The following ZNF718 variants were observed in gnomAD, a reference collection of about 807,000 sequenced individuals.
ZNF718 encodes the protein zinc finger protein 718.
In ZNF718, 3 loss-of-function variants were observed where a neutral mutation model predicts 2.6. That is an observed-to-expected ratio of 1.16 (90% CI 0.53 to 3.01). The LOEUF (loss-of-function observed/expected upper bound fraction) is 3.01, where lower values mean the gene tolerates loss of function less well. Among genes scored for constraint, ZNF718 ranks in the 30% most tolerant of loss-of-function variants. The probability of loss-of-function intolerance (pLI) is 0.03; values close to 1 mark genes in which losing one functional copy is unlikely to be tolerated. For missense variants in ZNF718, 468 were observed against 230.0 expected, an observed-to-expected ratio of 2.03 and a Z score of -6.69; for synonymous variants, 135 against 77.9, an observed-to-expected ratio of 1.73 and a Z score of -3.86.
At chr4:142,785 T>G (rs1241160275) in intron 3 of ZNF718, among the ~76,000 whole-genome samples, 2 of 152,158 alleles carry the variant, frequency 1.3e-5, no homozygotes, top group Non-Finnish European at 2.9e-5. Flanking sequence ...AGAAATTCAG[T>G]GGTAGGGGAT....
intron 3 of ZNF718, among the ~76,000 whole-genome samples, chr4:159,239 T>G (rs1716719580): frequency 6.6e-6 from 1 of 152,096 alleles, no homozygotes; most frequent in Non-Finnish European, 1.5e-5. Context: ...GGTTTCACCA[T>G]GTTGGCAAGG....
chr4:169,068 G>A (rs1553817491), downstream of ZNF718, among the ~76,000 whole-genome samples: 1 of 152,132 alleles, frequency 6.6e-6, no homozygotes, highest in Non-Finnish European at 1.5e-5. Flanking sequence ...GTTCTCACTG[G>A]TTTCAAAGAA....
intron 3 of ZNF718, among the ~76,000 whole-genome samples, chr4:190,627 C>T (rs1005020178): frequency 6.6e-6 from 1 of 151,712 alleles, no homozygotes; most frequent in Non-Finnish European, 1.5e-5. Context: ...TCTGAGCTAA[C>T]GAGAAGATTA....
Position 124,550 on chromosome 4 carries a change from T to A in ZNF718, c.-121T>A. On this transcript the variant is annotated 5_prime_UTR_variant, in exon 1 of 4. Transcript: ENST00000510175. Reference sequence around the variant, plus strand: ...GAGCTCGGTTAGGGCCTCATCGCTCTGCTCCCGCTCCTTAGGGAAGCCTCG... The same window carrying A: ...GAGCTCGGTTAGGGCCTCATCGCTCAGCTCCCGCTCCTTAGGGAAGCCTCG... 2.1e-6 allele frequency: 3 copies of A among 1,445,042 alleles called. No individual in the cohort carries two copies. In the South Asian group the frequency reaches 3.4e-5, roughly 16 times the overall value. The allele number at this position is 1,445,042 out of a possible 1,614,324, so 89.5% of individuals were successfully genotyped here.
At chr4:172,554 A>G (rs1717260473) in intron 3 of ZNF718, among the ~76,000 whole-genome samples, 1 of 152,218 alleles carries the variant, frequency 6.6e-6, no homozygotes. Context: ...GGAGAAAGAT[A>G]CAGAGCCACA....
chr4:187,329 C>T (rs536204906), intron 3 of ZNF718, among the ~76,000 whole-genome samples: 9 of 152,154 alleles, frequency 5.9e-5, no homozygotes, highest in African/African-American at 1.2e-4. Context: ...AGGGTTCAAA[C>T]GATTCTTCTG....
Position 130,316 on chromosome 4 carries a change from TGCA to T in ZNF718, c.4-471_4-469del, listed in dbSNP as rs1715319688. On this transcript the variant is annotated intron_variant, in intron 1 of 3. Coordinates refer to ENST00000510175, the MANE Select transcript of ZNF718 (RefSeq NM_001039127.6). ...GGCTTTGAATACCAAATAATTTATA[TGCA>T]TTTTGAACCTTAGAGGCAATGCTTG... Among the ~76,000 whole-genome samples, 2 of 104,080 alleles carry T rather than the reference TGCA, an allele frequency of 1.9e-5. 1 individual carries two copies. The highest frequency in any genetic ancestry group is 4.3e-5 in the Non-Finnish European group (2 of 46,752). 68.3% of individuals were successfully genotyped at this position (104,080 alleles called of 152,430 possible). A position where few individuals can be genotyped will look rare whatever the true frequency, so the allele number is the denominator to read the frequency against.
downstream of ZNF718, among the ~76,000 whole-genome samples, chr4:168,838 G>A (rs1717158042): frequency 6.6e-6 from 1 of 152,046 alleles, no homozygotes; most frequent in South Asian, 2.1e-4. Context: ...AGGGCTTTTT[G>A]TGTCTCTATC....
At chr4:165,010 A>C (rs569860110), downstream of ZNF718, among the ~76,000 whole-genome samples, 2 of 152,282 alleles carry the variant, frequency 1.3e-5, no homozygotes, top group African/African-American at 4.8e-5. Context: ...CAGGCTGTAA[A>C]AGTGACTCAT....
intron 3 of ZNF718, among the ~76,000 whole-genome samples, chr4:176,416 C>T (rs899720475): frequency 6.6e-6 from 1 of 152,124 alleles, no homozygotes; most frequent in Admixed American, 6.5e-5. Context: ...TCCCCTGTAA[C>T]CCTCATTGGC....
chr4:190,978 G>A (rs1553821108), intron 3 of ZNF718, among the ~76,000 whole-genome samples: 1 of 151,918 alleles, frequency 6.6e-6, no homozygotes, highest in East Asian at 2.0e-4. Context: ...GGCAGAGGTT[G>A]CAGTGAGCTG....
At chr4:196,082 C>T (rs555175873) in intron 3 of ZNF718, among the ~76,000 whole-genome samples, 4 of 151,952 alleles carry the variant, frequency 2.6e-5, no homozygotes, top group Non-Finnish European at 5.9e-5. Context: ...CTCAATTCGC[C>T]TTCAACCTGA....
At chr4:188,386 G>T (rs1553820681) in intron 3 of ZNF718, among the ~76,000 whole-genome samples, 1 of 152,214 alleles carries the variant, frequency 6.6e-6, no homozygotes, top group Admixed American at 6.5e-5. Context: ...ATAGTGGCCT[G>T]GCCCTCCCCC....
chr4:151,567 G>A (rs1266955636), intron 3 of ZNF718, among the ~76,000 whole-genome samples: 2 of 151,828 alleles, frequency 1.3e-5, no homozygotes, highest in African/African-American at 4.8e-5. Context: ...TACAACCTCC[G>A]CCTCCCAGGT....
chr4:146,077 C>CTATATATATATA (rs5742061), intron 3 of ZNF718, among the ~76,000 whole-genome samples: 1,674 of 142,900 alleles, frequency 0.012, 16 homozygotes, highest in African/African-American at 0.024. Context: ...ATATAGCCTT[C>CTATATATATATA]TATATATATA....
chr4:145,988 T>C (rs1318843606), intron 3 of ZNF718, among the ~76,000 whole-genome samples: 1 of 151,916 alleles, frequency 6.6e-6, no homozygotes, highest in Non-Finnish European at 1.5e-5. Flanking sequence ...TTAACAAATA[T>C]ACTGAAGCTA....
intron 3 of ZNF718, among the ~76,000 whole-genome samples, chr4:200,381 G>T (rs1417761791): frequency 1.4e-4 from 22 of 152,144 alleles, no homozygotes; most frequent in Admixed American, 9.8e-4. Flanking sequence ...CAATTTTTGT[G>T]CCTCAGCCTC....
At chr4:182,626 G>A (rs566317654) in intron 3 of ZNF718, among the ~76,000 whole-genome samples, 2 of 151,998 alleles carry the variant, frequency 1.3e-5, no homozygotes, top group East Asian at 3.9e-4. Context: ...TAGAAATGGG[G>A]TTTCACCATG....
chr4:197,753 A>T (rs1370105469), intron 3 of ZNF718, among the ~76,000 whole-genome samples: 2 of 152,184 alleles, frequency 1.3e-5, no homozygotes, highest in African/African-American at 4.8e-5. Context: ...GAAAGCACTC[A>T]CTGACTTTTA....
Sources: allele counts gnomAD v4.1 joint callset (sites outside exome capture counted in the v4.1 genomes callset), GRCh38; gene constraint gnomAD v4.1.1; transcripts MANE v1.5; gene names NCBI Gene and HGNC (gene_info 2026-07-23, HGNC 2026-07-21).